The following ITGA9 variants were observed in gnomAD, a reference collection of about 807,000 sequenced individuals.
ITGA9 encodes integrin subunit alpha 9, also known as integrin alpha-9.
In ITGA9, 56 loss-of-function variants were observed where a neutral mutation model predicts 127.8. That is an observed-to-expected ratio of 0.44 (90% CI 0.35 to 0.55). The LOEUF (loss-of-function observed/expected upper bound fraction) is 0.55. Ranked by LOEUF, ITGA9 falls within the 20% of genes least tolerant of loss-of-function variation. ITGA9 has a pLI of 0.00. For missense variants in ITGA9, 1,196 were observed against 1,347.1 expected, an observed-to-expected ratio of 0.89 and a Z score of 1.76; for synonymous variants, 508 against 514.5, an observed-to-expected ratio of 0.99 and a Z score of 0.17.
intron 19 of ITGA9, among the ~76,000 whole-genome samples, chr3:37,734,781 C>T (rs1046794746): frequency 3.3e-5 from 5 of 152,176 alleles, no homozygotes; most frequent in South Asian, 2.1e-4. Context: ...CGTGAGCCAC[C>T]GTGCCCAGCC....
chr3:37,668,422 A>G (rs1179240169), intron 17 of ITGA9, among the ~76,000 whole-genome samples: 1 of 152,224 alleles, frequency 6.6e-6, no homozygotes, highest in African/African-American at 2.4e-5. Context: ...AGCAGGCACA[A>G]TGACATGGCT....
At chr3:37,781,324 A>G (rs1316648898) in intron 25 of ITGA9, among the ~76,000 whole-genome samples, 3 of 152,214 alleles carry the variant, frequency 2.0e-5, no homozygotes, top group East Asian at 1.9e-4. Flanking sequence ...GTCTCTTGCA[A>G]CTGTTCAACT....
intron 23 of ITGA9, 139 bp from the exon 24 acceptor site, chr3:37,777,253 C>A: frequency 1.1e-6 from 1 of 934,238 alleles, no homozygotes; most frequent in South Asian, 1.4e-5. Context: ...AGCTTTTCAG[C>A]CATTGTTCTC....
chr3:37,507,087 A>G (rs1012887040), intron 7 of ITGA9, among the ~76,000 whole-genome samples: 4 of 152,206 alleles, frequency 2.6e-5, no homozygotes, highest in African/African-American at 9.6e-5. Flanking sequence ...TTTCTGGAGC[A>G]TGTGCCTCCC....
At chr3:37,484,341 G>A (rs1314838644) in intron 4 of ITGA9, among the ~76,000 whole-genome samples, 5 of 152,194 alleles carry the variant, frequency 3.3e-5, no homozygotes, top group African/African-American at 4.8e-5. Flanking sequence ...TGGACTGGAC[G>A]GGTGGGGCTG....
At chr3:37,475,672 G>A (rs1483754734) in intron 3 of ITGA9, among the ~76,000 whole-genome samples, 1 of 152,182 alleles carries the variant, frequency 6.6e-6, no homozygotes, top group Non-Finnish European at 1.5e-5. Context: ...GGGCAAAGAG[G>A]AGCATCTGAC....
At chr3:37,455,072 AC>A (rs1335481499) in intron 1 of ITGA9, among the ~76,000 whole-genome samples, 1 of 152,126 alleles carries the variant, frequency 6.6e-6, no homozygotes, top group African/African-American at 2.4e-5. Flanking sequence ...AAAGTTAGTC[AC>A]CCTAAATTTG....
intron 18 of ITGA9, among the ~76,000 whole-genome samples, chr3:37,719,575 C>A (rs1012681503): frequency 1.3e-5 from 2 of 152,128 alleles, no homozygotes; most frequent in African/African-American, 2.4e-5. Flanking sequence ...CTGGAGGCCG[C>A]CTATGACAGT....
chr3:37,670,807 T>G (rs1197749713), intron 17 of ITGA9, among the ~76,000 whole-genome samples: 2 of 152,258 alleles, frequency 1.3e-5, no homozygotes. Flanking sequence ...AGGAGATTCA[T>G]AATTTCAATA....
intron 26 of ITGA9, among the ~76,000 whole-genome samples, chr3:37,798,287 G>A (rs1345165862): frequency 6.6e-6 from 1 of 152,164 alleles, no homozygotes; most frequent in Non-Finnish European, 1.5e-5. Context: ...AGCATCTTCT[G>A]ATTTTTTAAC....
At chr3:37,611,192 T>C (rs752287535) in intron 15 of ITGA9, among the ~76,000 whole-genome samples, 5 of 152,174 alleles carry the variant, frequency 3.3e-5, no homozygotes, top group Non-Finnish European at 5.9e-5. Flanking sequence ...TCCACTTCTG[T>C]TCTATGCACT....
intron 15 of ITGA9, among the ~76,000 whole-genome samples, chr3:37,596,647 A>C (rs1699873453): frequency 6.6e-6 from 1 of 152,152 alleles, no homozygotes; most frequent in African/African-American, 2.4e-5. Context: ...GCTAGGAGCT[A>C]TTTAAAAGGG....
chr3:37,571,540 A>G (rs546380972), intron 15 of ITGA9, among the ~76,000 whole-genome samples: 2 of 152,306 alleles, frequency 1.3e-5, no homozygotes, highest in African/African-American at 2.4e-5. Flanking sequence ...AAACTTTTGC[A>G]GGGATCAGAA....
In ITGA9 at chr3:37,452,333, C is replaced by T. The variant is rs1698200291; in HGVS notation, c.-42C>T. 1 of 1,039,200 alleles carries T rather than the reference C, an allele frequency of 9.6e-7. No individual in the cohort carries two copies. Among genetic ancestry groups the T allele is most frequent in the African/African-American group, 1.7e-5 (1 of 58,230 alleles). 64.4% of individuals were successfully genotyped at this position (1,039,200 alleles called of 1,614,324 possible). On this transcript the variant is annotated 5_prime_UTR_variant, in exon 1 of 28. Coordinates refer to ENST00000264741, the MANE Select transcript of ITGA9 (RefSeq NM_002207.3). The surrounding 1 kb of genome is among the most constrained non-coding windows in gnomAD (Gnocchi z 7.3). ...GGCCCCGCGGCCCGCGCGCTCGGCG[C>T]CCTGCTCGCCGGGCAGAGGGGAAGG...
At chr3:37,487,748 A>G (rs115562982) in intron 4 of ITGA9, among the ~76,000 whole-genome samples, 1 of 152,020 alleles carries the variant, frequency 6.6e-6, no homozygotes, top group Non-Finnish European at 1.5e-5. Flanking sequence ...AGTGTGTAGT[A>G]GGTTTCTTTG....
chr3:37,544,892 A>G (rs1699310300), intron 15 of ITGA9, among the ~76,000 whole-genome samples: 1 of 152,266 alleles, frequency 6.6e-6, no homozygotes, highest in African/African-American at 2.4e-5. Flanking sequence ...CATACTTTAT[A>G]ACCATGAGAA....
chr3:37,683,055 G>C (rs1700748499), intron 17 of ITGA9, among the ~76,000 whole-genome samples: 1 of 152,160 alleles, frequency 6.6e-6, no homozygotes, highest in South Asian at 2.1e-4. Flanking sequence ...GGCTTCCGAG[G>C]GTCAAACCAA....
chr3:37,456,026 TGGGG>T (rs970767245), intron 1 of ITGA9, among the ~76,000 whole-genome samples: 2 of 152,084 alleles, frequency 1.3e-5, no homozygotes, highest in African/African-American at 4.8e-5. Flanking sequence ...TGTGTAAGTG[TGGGG>T]GTGATCTTGC....
intron 23 of ITGA9, among the ~76,000 whole-genome samples, chr3:37,759,077 C>CCCCA (rs111689666): frequency 6.8e-6 from 1 of 146,090 alleles, no homozygotes; most frequent in African/African-American, 2.5e-5. Flanking sequence ...ATATATATAC[C>CCCCA]CACACACACA....
Sources: allele counts gnomAD v4.1 joint callset (sites outside exome capture counted in the v4.1 genomes callset), GRCh38; gene constraint gnomAD v4.1.1; non-coding constraint Gnocchi (gnomAD v3.1); transcripts MANE v1.5; gene names NCBI Gene and HGNC (gene_info 2026-07-23, HGNC 2026-07-21).